MRC1: variants seen among roughly 807,000 people sequenced by gnomAD.
The protein encoded by MRC1 is mannose receptor C-type 1.
Under a neutral mutation model 102.9 loss-of-function variants are expected in MRC1, and 62 were observed. The observed-to-expected ratio is 0.60, with a 90% CI of 0.49 to 0.74. The LOEUF (loss-of-function observed/expected upper bound fraction) is 0.74, where lower values mean the gene tolerates loss of function less well. Ranked by LOEUF, MRC1 falls within the 30% of genes least tolerant of loss-of-function variation. The pLI is 0.00. For synonymous variants in MRC1, 457 were observed against 298.4 expected, an observed-to-expected ratio of 1.53 and a Z score of -5.48; for missense variants, 1,237 against 862.8, an observed-to-expected ratio of 1.43 and a Z score of -5.43.
At chr10:17,865,973 T>G (rs1833260075) in intron 11 of MRC1, among the ~76,000 whole-genome samples, 1 of 152,232 alleles carries the variant, frequency 6.6e-6, no homozygotes, top group Non-Finnish European at 1.5e-5. Flanking sequence ...TAACCTTGAC[T>G]GTAAGACAGA....
intron 1 of MRC1, among the ~76,000 whole-genome samples, chr10:17,817,247 CAAA>C (rs78486486): frequency 1.6e-4 from 14 of 89,242 alleles, no homozygotes; most frequent in African/African-American, 2.8e-4. Context: ...GACTCTGTCT[CAAA>C]AAAAAAAAAA....
intron 16 of MRC1, 106 bp downstream of exon 16, chr10:17,873,931 T>G: frequency 2.5e-6 from 2 of 787,054 alleles, no homozygotes; most frequent in East Asian, 4.9e-5. Flanking sequence ...AGAGCAGAAG[T>G]CCTTAATAAC....
At chr10:17,861,292 G>T in intron 9 of MRC1, 95 bp from the exon 10 acceptor site, 1 of 635,576 alleles carries the variant, frequency 1.6e-6, no homozygotes, top group South Asian at 1.9e-5. Context: ...CAGCCTGGGC[G>T]ACAAGAGCAA....
intron 5 of MRC1, among the ~76,000 whole-genome samples, chr10:17,844,163 T>C (rs1838791013): frequency 6.6e-6 from 1 of 152,332 alleles, no homozygotes; most frequent in East Asian, 1.9e-4. Context: ...GTTTTAGTTC[T>C]GGGAGCACAG....
Position 17,909,341 on chromosome 10 carries a change from A to G in MRC1, c.4114A>G (p.Thr1372Ala), listed in dbSNP as rs1363838964. 2.3e-6 allele frequency: 2 copies of G among 871,854 alleles called. No homozygotes were observed. Among genetic ancestry groups the G allele is most frequent in the African/African-American group, 3.3e-5 (2 of 61,252 alleles). 54.0% of individuals were successfully genotyped at this position (871,854 alleles called of 1,614,324 possible). Residue 1372 changes from threonine to alanine, a missense_variant, in exon 29 of 30, where the codon ACA (threonine) becomes GCA (alanine). By Grantham distance (58) the Thr-to-Ala change is moderately conservative. Coordinates refer to ENST00000569591, the MANE Select transcript of MRC1 (RefSeq NM_002438.4). ...DAKPTHELLT[T>A]KADTRKMDPS... The stretch of plus-strand genomic sequence containing the variant: ...TAAACCTACTCATGAATTACTTACA[A>G]CAAAAGGTAAGGCCATTGCAAAATT...
intron 20 of MRC1, 126 bp from the exon 21 acceptor site, chr10:17,880,941 G>T: frequency 1.4e-6 from 1 of 724,048 alleles, no homozygotes; most frequent in Non-Finnish European, 2.5e-6. Context: ...TCTCCAGTTG[G>T]TGGTGAGAAA....
chr10:17,841,740 ATTT>A (rs35422170), intron 5 of MRC1, among the ~76,000 whole-genome samples: 4 of 126,710 alleles, frequency 3.2e-5, no homozygotes, highest in South Asian at 5.2e-4. Flanking sequence ...CCCCAGTGCC[ATTT>A]TTTTTTTTTT....
chr10:17,864,116 C>T (rs1833227011), intron 11 of MRC1, among the ~76,000 whole-genome samples: 2 of 152,132 alleles, frequency 1.3e-5, no homozygotes, highest in East Asian at 1.9e-4. Context: ...AATTATCGTG[C>T]CTCAGCCTCC....
At chr10:17,863,788 A>G (rs916019664) in intron 11 of MRC1, 106 bp downstream of exon 11, 2 of 682,664 alleles carry the variant, frequency 2.9e-6, no homozygotes, top group East Asian at 2.5e-5. Context: ...TAAATTAGTC[A>G]TGCTTTTAGT....
At chr10:17,813,658 T>C (rs1197459774) in intron 1 of MRC1, among the ~76,000 whole-genome samples, 5 of 126,804 alleles carry the variant, frequency 3.9e-5, no homozygotes, top group African/African-American at 1.5e-4. Context: ...TACATATATA[T>C]ATATACACAC....
At chr10:17,869,614 T>G (rs1156763971) in intron 12 of MRC1, among the ~76,000 whole-genome samples, 1 of 152,184 alleles carries the variant, frequency 6.6e-6, no homozygotes, top group Non-Finnish European at 1.5e-5. Flanking sequence ...ATGACACAAT[T>G]CCTAAATCAT....
chr10:17,856,169 CAAAA>C (rs1243445821), intron 8 of MRC1, 69 bp from the exon 9 acceptor site: 2,750 of 512,508 alleles, frequency 5.4e-3, no homozygotes, highest in Middle Eastern at 0.011. Flanking sequence ...GACACTGTCT[CAAAA>C]AAAAAAAAAA....
rs1295568294 is a variant in MRC1 at position 17,852,959 on chromosome 10, C to G, written c.1250-8C>G. 7.7e-6 allele frequency: 6 copies of G among 780,650 alleles called. No individual in the cohort carries two copies. The highest frequency in any genetic ancestry group is 1.4e-5 in the Non-Finnish European group (6 of 417,922). 48.4% of individuals were successfully genotyped at this position (780,650 alleles called of 1,614,324 possible). A position where few individuals can be genotyped will look rare whatever the true frequency, so the allele number is the denominator to read the frequency against. ...TGTATATACCACTGTGTGTTTCTTC[C>G]TGTTTAGAGCCAAATGACGAATTGT... On this transcript the variant is annotated splice_polypyrimidine_tract_variant and splice_region_variant and intron_variant, in intron 7 of 29. Coordinates refer to ENST00000569591, the MANE Select transcript of MRC1 (RefSeq NM_002438.4).
Position 17,851,349 on chromosome 10 carries a change from A to G in MRC1, c.1249+1585A>G, listed in dbSNP as rs1040943000. On this transcript the variant is annotated intron_variant, in intron 7 of 29. Coordinates refer to ENST00000569591, the MANE Select transcript of MRC1 (RefSeq NM_002438.4). ...TTAATAAAAGTAAAGTTGTAAAGTT[A>G]AAATTATTGTTTCTAAACAAAAACC... Among the ~76,000 whole-genome samples, 50 of 152,264 alleles carry G rather than the reference A, an allele frequency of 3.3e-4. No homozygotes were observed. The Middle Eastern group carries it at 0.01, about 31-fold the overall frequency.
intron 7 of MRC1, among the ~76,000 whole-genome samples, chr10:17,852,381 C>T (rs1838930316): frequency 6.6e-6 from 1 of 152,122 alleles, no homozygotes; most frequent in African/African-American, 2.4e-5. Flanking sequence ...AGGTGCAAGT[C>T]TCACCTCTTG....
intron 3 of MRC1, among the ~76,000 whole-genome samples, chr10:17,831,776 A>G (rs1248775114): frequency 1.3e-5 from 2 of 151,708 alleles, no homozygotes; most frequent in Non-Finnish European, 2.9e-5. Context: ...TATTCACTAC[A>G]TGAAGCATGC....
intron 8 of MRC1, among the ~76,000 whole-genome samples, chr10:17,855,752 C>T (rs1833080323): frequency 6.6e-6 from 1 of 152,086 alleles, no homozygotes; most frequent in African/African-American, 2.4e-5. Flanking sequence ...TAGCTAGAGT[C>T]AAAATTACTG....
chr10:17,882,118 G>A (rs1833529108), intron 21 of MRC1, among the ~76,000 whole-genome samples: 2 of 152,112 alleles, frequency 1.3e-5, no homozygotes, highest in African/African-American at 4.8e-5. Context: ...GGCATCCACT[G>A]AAATAGGTAT....
intron 11 of MRC1, among the ~76,000 whole-genome samples, chr10:17,864,153 C>T (rs978708130): frequency 1.9e-4 from 29 of 151,962 alleles, no homozygotes; most frequent in Non-Finnish European, 4.4e-5. Context: ...CAGGCATGTA[C>T]CAGCACGCCT....
Sources: allele counts gnomAD v4.1 joint callset (sites outside exome capture counted in the v4.1 genomes callset), GRCh38; gene constraint gnomAD v4.1.1; transcripts MANE v1.5; gene names NCBI Gene and HGNC (gene_info 2026-07-23, HGNC 2026-07-21).